The following NRG3 variants were observed in gnomAD, a reference collection of about 807,000 sequenced individuals.
The protein encoded by NRG3 is pro-neuregulin-3, membrane-bound isoform.
In NRG3, 31 loss-of-function variants were observed where a neutral mutation model predicts 66.9. That is an observed-to-expected ratio of 0.46 (90% confidence interval 0.35 to 0.63). The LOEUF (loss-of-function observed/expected upper bound fraction) is 0.63. Among genes scored for constraint, NRG3 ranks in the 20% least tolerant of loss-of-function variants. The pLI is 0.00. For missense variants in NRG3, 910 were observed against 878.9 expected (o/e 1.04, Z -0.45); for synonymous variants, 393 against 359.4 (o/e 1.09, Z -1.06).
At chr10:82,639,605 T>C (rs1366641859) in intron 2 of NRG3, among the ~76,000 whole-genome samples, 2 of 152,284 alleles carry the variant, frequency 1.3e-5, no homozygotes, top group Admixed American at 6.5e-5. Flanking sequence ...TCATTGAAAT[T>C]TTTCAAAGCT....
chr10:82,421,954 C>T (rs578022719), intron 2 of NRG3, among the ~76,000 whole-genome samples: 1 of 152,166 alleles, frequency 6.6e-6, no homozygotes, highest in African/African-American at 2.4e-5. Context: ...GAAAATAAAC[C>T]CATCAAGTAG....
intron 2 of NRG3, among the ~76,000 whole-genome samples, chr10:82,454,718 G>A (rs922024772): frequency 2.0e-5 from 3 of 152,096 alleles, no homozygotes; most frequent in African/African-American, 7.2e-5. Flanking sequence ...AGAAAACACA[G>A]GTGATATCTC....
At chr10:82,617,149 C>G (rs1428106725) in intron 2 of NRG3, among the ~76,000 whole-genome samples, 1 of 151,448 alleles carries the variant, frequency 6.6e-6, no homozygotes, top group African/African-American at 2.4e-5. Flanking sequence ...ACACACACAC[C>G]ACTCACACAC....
rs767890658 is a variant in NRG3 at position 82,973,850 on chromosome 10, C to T, written c.1347C>T (p.Val449=). 2.3e-5 allele frequency: 37 copies of T among 1,613,848 alleles called. No individual in the cohort carries two copies. Among genetic ancestry groups the T allele is most frequent in the African/African-American group, 1.6e-4 (12 of 74,904 alleles). The change falls in exon 7 of 9, where the codon GTC becomes GTT. Residue 449 remains valine (V), a synonymous_variant. Coordinates refer to ENST00000372141, the MANE Select transcript of NRG3 (RefSeq NM_001010848.4). ...ALEKMMESSF[V]GPQSFPEVPS... ...AGAAAATGATGGAGTCAAGTTTTGT[C>T]GGCCCCCAGTCATTCCCTGAGGTCC...
rs142096386 is a variant in NRG3, at chr10:82,837,777, C to A, written c.1028-27634C>A. Among the ~76,000 whole-genome samples, 84 of 152,186 alleles carry A rather than the reference C, an allele frequency of 5.5e-4. 2 individuals are homozygous for A. The East Asian group carries it at 0.015, about 27-fold the overall frequency. ...AGGAGTTTTGGAATGAAAGGCTCAT[C>A]ATGGTTAAAATGCTGCTGAAAAAAT... On this transcript the variant is annotated intron_variant, in intron 3 of 8. Transcript: ENST00000372141.
At chr10:81,997,055 A>G (rs1188473719) in intron 1 of NRG3, among the ~76,000 whole-genome samples, 1 of 152,292 alleles carries the variant, frequency 6.6e-6, no homozygotes, top group East Asian at 1.9e-4. Flanking sequence ...ATGAATCTAT[A>G]AGAGACTATA....
intron 2 of NRG3, among the ~76,000 whole-genome samples, chr10:82,698,705 G>A (rs769755258): frequency 3.5e-4 from 53 of 152,210 alleles, no homozygotes; most frequent in Middle Eastern, 6.8e-3. Flanking sequence ...TCTGTAAAGT[G>A]CTGATAATAT....
intron 1 of NRG3, among the ~76,000 whole-genome samples, chr10:82,153,334 CA>C (rs2070921839): frequency 6.6e-6 from 1 of 151,738 alleles, no homozygotes; most frequent in Non-Finnish European, 1.5e-5. Context: ...TTTTACTTAA[CA>C]TAATGTCTTT....
At chr10:82,496,039 A>G (rs1019251185) in intron 2 of NRG3, among the ~76,000 whole-genome samples, 1 of 152,196 alleles carries the variant, frequency 6.6e-6, no homozygotes, top group African/African-American at 2.4e-5. Context: ...TGCTTAGAAT[A>G]TGAACTCAGA....
intron 2 of NRG3, among the ~76,000 whole-genome samples, chr10:82,524,873 A>C (rs898658395): frequency 1.3e-5 from 2 of 151,662 alleles, no homozygotes; most frequent in African/African-American, 4.8e-5. Flanking sequence ...CATTTTCTAC[A>C]TTTTTATATT....
intron 1 of NRG3, among the ~76,000 whole-genome samples, chr10:82,284,008 G>A (rs1302359542): frequency 1.3e-5 from 2 of 152,172 alleles, no homozygotes; most frequent in African/African-American, 4.8e-5. Context: ...AGAGCATTGC[G>A]AGCATTGCGA....
At chr10:82,493,350 A>G (rs1400777060) in intron 2 of NRG3, among the ~76,000 whole-genome samples, 1 of 152,088 alleles carries the variant, frequency 6.6e-6, no homozygotes, top group Non-Finnish European at 1.5e-5. Context: ...CTCATTGTTC[A>G]GCTCCTACTT....
chr10:82,606,438 G>C (rs2133447340), intron 2 of NRG3, among the ~76,000 whole-genome samples: 1 of 152,254 alleles, frequency 6.6e-6, no homozygotes, highest in Admixed American at 6.6e-5. Context: ...GATCCAGAAA[G>C]TGATTTATCT....
chr10:82,659,599 G>A (rs560026468), intron 2 of NRG3, among the ~76,000 whole-genome samples: 11 of 152,186 alleles, frequency 7.2e-5, no homozygotes, highest in African/African-American at 2.2e-4. Flanking sequence ...AGCCAAGATC[G>A]TGCCACTGCA....
chr10:82,307,463 G>T (rs2080805043), intron 1 of NRG3, among the ~76,000 whole-genome samples: 1 of 152,082 alleles, frequency 6.6e-6, no homozygotes, highest in Non-Finnish European at 1.5e-5. Context: ...GTTACATTAT[G>T]TGGAGAAATC....
At chr10:82,289,864 C>T (rs2134574316) in intron 1 of NRG3, among the ~76,000 whole-genome samples, 1 of 152,284 alleles carries the variant, frequency 6.6e-6, no homozygotes, top group African/African-American at 2.4e-5. Context: ...ACCACTGCTC[C>T]ACTTGGTGTC....
intron 3 of NRG3, among the ~76,000 whole-genome samples, chr10:82,861,322 A>G (rs2064116868): frequency 6.6e-6 from 1 of 152,214 alleles, no homozygotes; most frequent in Non-Finnish European, 1.5e-5. Flanking sequence ...AAAAATATAA[A>G]TGCCATCTTC....
At chr10:81,963,970 T>G (rs1341269374) in intron 1 of NRG3, among the ~76,000 whole-genome samples, 2 of 152,224 alleles carry the variant, frequency 1.3e-5, no homozygotes, top group Non-Finnish European at 2.9e-5. Flanking sequence ...TATTGTTTTT[T>G]GCTGATTATT....
intron 1 of NRG3, among the ~76,000 whole-genome samples, chr10:81,960,525 A>G (rs1850256104): frequency 6.6e-6 from 1 of 152,066 alleles, no homozygotes; most frequent in Admixed American, 6.6e-5. Context: ...AGTCAAAAGA[A>G]TGAAATAATT....
Sources: gnomAD v4.1 joint callset for allele counts (sites outside exome capture counted in the v4.1 genomes callset) on GRCh38, gnomAD v4.1.1 for gene constraint, MANE v1.5 for transcripts, NCBI Gene and HGNC (gene_info 2026-07-23, HGNC 2026-07-21) for gene names.